SEC14L6: variants seen among roughly 807,000 people sequenced by gnomAD.
The protein encoded by SEC14L6 is SEC14-like protein 6.
Under a neutral mutation model 54.1 loss-of-function variants are expected in SEC14L6, and 40 were observed. That is an observed-to-expected ratio of 0.74 (90% confidence interval 0.57 to 0.96). SEC14L6 has a LOEUF of 0.96. Among genes scored for constraint, SEC14L6 ranks in the 40% least tolerant of loss-of-function variants. The pLI is 0.00. For missense variants in SEC14L6, 471 were observed against 498.3 expected (o/e 0.95, Z 0.52); for synonymous variants, 171 against 198.4 (o/e 0.86, Z 1.16).
chr22:30,530,202 G>A (rs947800236), intron 6 of SEC14L6, among the ~76,000 whole-genome samples: 1 of 151,930 alleles, frequency 6.6e-6, no homozygotes, highest in African/African-American at 2.4e-5. Flanking sequence ...ATGAGGTCAC[G>A]AGTTCGAGAC....
intron 8 of SEC14L6, 108 bp from the exon 9 acceptor site, chr22:30,526,040 C>T (rs561076872): frequency 2.1e-5 from 29 of 1,353,620 alleles, no homozygotes; most frequent in South Asian, 3.8e-5. Context: ...CCCTCCCTGG[C>T]GCGCTTTTGC....
At chr22:30,532,424 C>G in intron 5 of SEC14L6, 101 bp downstream of exon 5, 1 of 1,358,416 alleles carries the variant, frequency 7.4e-7, no homozygotes, top group Non-Finnish European at 9.9e-7. Flanking sequence ...CCAGGAGGAG[C>G]CGAGGAGCCC....
Position 30,531,951 on chromosome 22 carries a change from C to G in SEC14L6, c.471G>C (p.Gly157=), listed in dbSNP as rs1346907292. Residue 157 remains glycine (G), a synonymous_variant, in exon 6 of 12, where the codon GGG becomes GGC. Transcript: ENST00000402034. ...GCTTCCACAGATCCCTCAGGCCCAGCCCTTCGAGACCAAAAATAGCTATGA... is the reference window on the plus strand; with the variant it reads ...GCTTCCACAGATCCCTCAGGCCCAGGCCTTCGAGACCAAAAATAGCTATGA... ...EKIIAIFGLE[G]LGLRDLWKPG... The G allele has an allele frequency of 9.0e-6, 14 of 1,550,730 alleles. No individual in the cohort carries two copies. Among genetic ancestry groups the G allele is most frequent in the Non-Finnish European group, 1.1e-5 (13 of 1,147,054 alleles).
intron 2 of SEC14L6, among the ~76,000 whole-genome samples, chr22:30,535,360 T>C (rs1044892866): frequency 5.3e-5 from 8 of 152,238 alleles, no homozygotes; most frequent in Non-Finnish European, 7.3e-5. Flanking sequence ...GCTGAGAGCC[T>C]CTGGCTGGTG....
intron 5 of SEC14L6, 34 bp downstream of exon 5, chr22:30,532,491 C>A (rs1465277540): frequency 1.4e-5 from 22 of 1,521,974 alleles, no homozygotes. Context: ...GGTGCTGTGT[C>A]CGGCTGCAGC....
intron 1 of SEC14L6, chr22:30,543,845 A>G (rs2085767333): frequency 6.6e-7 from 1 of 1,511,450 alleles, no homozygotes; most frequent in African/African-American, 1.4e-5. Flanking sequence ...GACACAAATG[A>G]TATCACATAT....
rs763319209 is a variant in SEC14L6 at position 30,525,084 on chromosome 22, G to A, written c.1107C>T (p.Tyr369=). The A allele has an allele frequency of 4.5e-6, 7 of 1,548,816 alleles. No individual in the cohort carries two copies. Among genetic ancestry groups the A allele is most frequent in the Non-Finnish European group, 5.2e-6 (6 of 1,145,474 alleles). ...GSYVLRFYNT[Y]SLVHSKRISY... ...TGATGCGTTTAGAATGAACCAGGCT[G>A]TAGGTGTTGTAAAACCTCAGGACAT... Residue 369 remains tyrosine (Y), a synonymous_variant, in exon 12 of 12, where the codon TAC becomes TAT. Coordinates refer to ENST00000402034, the MANE Select transcript of SEC14L6 (RefSeq NM_001193336.4).
At chr22:30,533,573 C>A (rs1319932610) in intron 3 of SEC14L6, among the ~76,000 whole-genome samples, 1 of 149,878 alleles carries the variant, frequency 6.7e-6, no homozygotes, top group African/African-American at 2.5e-5. Context: ...TATACTCCAG[C>A]CTGGGTGACA....
intron 1 of SEC14L6, chr22:30,542,610 G>C: frequency 6.6e-7 from 1 of 1,523,806 alleles, no homozygotes; most frequent in Admixed American, 2.1e-5. Context: ...GCCTCGGGCC[G>C]CTGCTCTGCC....
At chr22:30,527,700 G>A (rs1021768585) in intron 8 of SEC14L6, among the ~76,000 whole-genome samples, 28 of 128,930 alleles carry the variant, frequency 2.2e-4, no homozygotes, top group Admixed American at 1.9e-3. Flanking sequence ...GGGTGGCAGA[G>A]TGAGACCTTG....
chr22:30,526,520 G>A (rs963752258), intron 8 of SEC14L6, among the ~76,000 whole-genome samples: 1 of 152,212 alleles, frequency 6.6e-6, no homozygotes, highest in Non-Finnish European at 1.5e-5. Context: ...GACTGTATAA[G>A]CATGAAAGCG....
intron 1 of SEC14L6, among the ~76,000 whole-genome samples, chr22:30,540,448 G>A (rs2085684283): frequency 6.7e-6 from 1 of 149,104 alleles, no homozygotes; most frequent in Non-Finnish European, 1.5e-5. Flanking sequence ...AGGTGAGGTG[G>A]CTCACACCTG....
rs1936710794 is a variant in SEC14L6, at chr22:30,524,832, TC to T, written c.*164del. Reference sequence around the variant, plus strand: ...CCATCGGGCCACCACTAGGACACTGTCCCAGCCGTTCCTGAGGAGTGGGCCA... The same window carrying T: ...CCATCGGGCCACCACTAGGACACTGTCCAGCCGTTCCTGAGGAGTGGGCCA... On this transcript the variant is annotated 3_prime_UTR_variant, in exon 12 of 12. Transcript: ENST00000402034. 1 of 599,604 alleles carries T rather than the reference TC, an allele frequency of 1.7e-6. No individual in the cohort carries two copies. The highest frequency in any genetic ancestry group is 3.0e-6 in the Non-Finnish European group (1 of 328,754). 37.1% of individuals were successfully genotyped at this position (599,604 alleles called of 1,614,324 possible). A position where few individuals can be genotyped will look rare whatever the true frequency, so the allele number is the denominator to read the frequency against.
At chr22:30,537,092 G>A (rs1426796924) in intron 2 of SEC14L6, among the ~76,000 whole-genome samples, 1 of 150,954 alleles carries the variant, frequency 6.6e-6, no homozygotes, top group Non-Finnish European at 1.5e-5. Context: ...CAGAATAAGT[G>A]CTCAAAATAT....
At chr22:30,544,069 G>T in intron 1 of SEC14L6, 1 of 1,512,220 alleles carries the variant, frequency 6.6e-7, no homozygotes, top group Non-Finnish European at 9.2e-7. Flanking sequence ...CAGCATCCAG[G>T]TCCCGAGGAA....
chr22:30,527,813 T>C (rs534436599), intron 8 of SEC14L6, among the ~76,000 whole-genome samples: 1 of 151,334 alleles, frequency 6.6e-6, no homozygotes, highest in African/African-American at 2.4e-5. Context: ...GAAAAAACTG[T>C]GGATGTGTAC....
At chr22:30,542,734 T>A (rs2085746140) in intron 1 of SEC14L6, 2 of 1,574,270 alleles carry the variant, frequency 1.3e-6, no homozygotes, top group East Asian at 2.2e-5. Context: ...CGCTCTGCAG[T>A]GCACTGTGAC....
chr22:30,524,351 A>G lies in SEC14L6; in HGVS notation c.*646T>C, dbSNP rs1007456727. 23 of 152,128 alleles carry G rather than the reference A, an allele frequency of 1.5e-4. 1 individual carries two copies. The highest frequency in any genetic ancestry group is 4.8e-4 in the African/African-American group (20 of 41,502). 9.4% of individuals were successfully genotyped at this position (152,128 alleles called of 1,614,324 possible). A position where few individuals can be genotyped will look rare whatever the true frequency, so the allele number is the denominator to read the frequency against. ...TATTTCCTGATCTGTCAGCTATACT[A>G]TATTTCAAATTTCCTATTAATACTA... On this transcript the variant is annotated 3_prime_UTR_variant, in exon 12 of 12. Coordinates refer to ENST00000402034, the MANE Select transcript of SEC14L6 (RefSeq NM_001193336.4).
chr22:30,525,967 T>C (rs746274820), intron 8 of SEC14L6, 35 bp from the exon 9 acceptor site: 1 of 1,564,112 alleles, frequency 6.4e-7, no homozygotes. Flanking sequence ...CCAAAGGGAC[T>C]CAGGAGACTC....
Sources: allele counts gnomAD v4.1 joint callset (sites outside exome capture counted in the v4.1 genomes callset), GRCh38; gene constraint gnomAD v4.1.1; transcripts MANE v1.5; gene names NCBI Gene and HGNC (gene_info 2026-07-23, HGNC 2026-07-21).